SIGIRR: variants seen among roughly 807,000 people sequenced by gnomAD.
SIGIRR encodes the protein single Ig and TIR domain containing.
Under a neutral mutation model 45.6 loss-of-function variants are expected in SIGIRR, and 41 were observed. That is an observed-to-expected ratio of 0.90 (90% CI 0.70 to 1.17). SIGIRR has a LOEUF of 1.17. Ranked by LOEUF, SIGIRR falls within the 50% of genes most tolerant of loss-of-function variation. SIGIRR has a pLI of 0.00. For missense variants in SIGIRR, 599 were observed against 539.6 expected (o/e 1.11, Z -1.09); for synonymous variants, 298 against 239.0 (o/e 1.25, Z -2.28).
At chr11:416,802 G>A (rs1396163371), upstream of SIGIRR, among the ~76,000 whole-genome samples, 1 of 152,158 alleles carries the variant, frequency 6.6e-6, no homozygotes, top group Non-Finnish European at 1.5e-5. The surrounding 1 kb of genome is among the most constrained non-coding windows in gnomAD (Gnocchi z 9.1). Context: ...CTCCAAGTGA[G>A]GAGGGCGGAG....
At chr11:410,622 G>GGC (rs1476741917) in intron 1 of SIGIRR, among the ~76,000 whole-genome samples, 2 of 52,422 alleles carry the variant, frequency 3.8e-5, no homozygotes, top group African/African-American at 1.6e-4. Flanking sequence ...ATGCAGTCGG[G>GGC]GGGGGGGGGT....
chr11:406,688 G>A, intron 8 of SIGIRR, 150 bp from the exon 9 acceptor site: 3 of 1,403,724 alleles, frequency 2.1e-6, no homozygotes, highest in East Asian at 2.5e-5. Flanking sequence ...GCGGCTCCCC[G>A]CATCGGGGCC....
chr11:407,311 C>T (rs890680903), intron 6 of SIGIRR, 114 bp downstream of exon 6: 4 of 623,778 alleles, frequency 6.4e-6, no homozygotes, highest in Non-Finnish European at 9.1e-6. Flanking sequence ...CTCGGGTGGG[C>T]GGGGATGGGG....
upstream of SIGIRR, among the ~76,000 whole-genome samples, chr11:415,963 A>G (rs1243014970): frequency 2.6e-5 from 4 of 151,860 alleles, no homozygotes; most frequent in Non-Finnish European, 2.9e-5. The surrounding 1 kb of genome is among the most constrained non-coding windows in gnomAD (Gnocchi z 6.6). Flanking sequence ...GCACCCTCTC[A>G]GCAGCAGGCT....
chr11:409,471 C>G (rs1847493818), intron 2 of SIGIRR: 1 of 283,618 alleles, frequency 3.5e-6, no homozygotes, highest in Non-Finnish European at 6.7e-6. Flanking sequence ...GCCCTCCCCA[C>G]CACCTGAGGC....
At chr11:416,142 C>T (rs1847873925), upstream of SIGIRR, among the ~76,000 whole-genome samples, 1 of 152,156 alleles carries the variant, frequency 6.6e-6, no homozygotes, top group African/African-American at 2.4e-5. The surrounding 1 kb of genome is among the most constrained non-coding windows in gnomAD (Gnocchi z 9.1). Context: ...TTGGAAGCCC[C>T]TCAAGAAGGT....
rs776530919 is a variant in SIGIRR at position 406,802 on chromosome 11, A to C, written c.879+41T>G. 4.2e-5 allele frequency: 62 copies of C among 1,473,256 alleles called. No homozygotes were observed. In the Admixed American group the frequency reaches 1.4e-3, roughly 34 times the overall value. 91.3% of individuals were successfully genotyped at this position (1,473,256 alleles called of 1,614,324 possible). A position where few individuals can be genotyped will look rare whatever the true frequency, so the allele number is the denominator to read the frequency against. On this transcript the variant is annotated intron_variant, in intron 8 of 9. Transcript: ENST00000431843. ...GGAGCCCGGGCACCGCCCATCTCTA[A>C]CCCGCCGCTAGCCCCGGACCCTCCC...
Position 406,899 on chromosome 11 carries a change from G to C in SIGIRR, c.823C>G (p.Leu275Val). ...ACCAGGTGGCGGTGCTGGCGCAGCAGGCGGAGCGCCGGGTGCGCGGGGTCG... is the reference window on the plus strand; with the variant it reads ...ACCAGGTGGCGGTGCTGGCGCAGCACGCGGAGCGCCGGGTGCGCGGGGTCG... ...RRDPAHPALR[L>V]LRQHRHLVTL... is the part of the protein sequence containing the mutation. The change falls in exon 8 of 10, where the codon CTG (leucine) becomes GTG (valine). Residue 275 changes from leucine to valine, a missense_variant. Transcript: ENST00000431843. 1 of 1,589,206 alleles carries C rather than the reference G, an allele frequency of 6.3e-7. No individual in the cohort carries two copies. Among genetic ancestry groups the C allele is most frequent in the Non-Finnish European group, 8.5e-7 (1 of 1,173,274 alleles).
At chr11:407,707 CA>C (rs1364534844) in intron 5 of SIGIRR, 109 bp downstream of exon 5, 24 of 1,566,982 alleles carry the variant, frequency 1.5e-5, no homozygotes, top group African/African-American at 1.4e-5. Context: ...CCGCACAGAG[CA>C]CCCGGGGGCT....
rs1257335168 is a variant in SIGIRR at position 409,021 on chromosome 11, G to A, written c.8-128C>T. The stretch of plus-strand genomic sequence containing the variant: ...TGGCAGTCACACCATGTCTGTCCAC[G>A]AGTCCCATGGGGACAGGCTTAGCAC... On this transcript the variant is annotated intron_variant, in intron 2 of 9. Coordinates refer to ENST00000431843, the MANE Select transcript of SIGIRR (RefSeq NM_001135054.2). The A allele has an allele frequency of 1.1e-5, 9 of 816,632 alleles. No homozygotes were observed. The Admixed American group carries it at 1.2e-4, about 11-fold the overall frequency. The allele number at this position is 816,632 out of a possible 1,614,324, so 50.6% of individuals were successfully genotyped here.
At chr11:406,203 T>A (rs1479856757) in intron 9 of SIGIRR, 144 bp from the exon 10 acceptor site, 2 of 1,538,538 alleles carry the variant, frequency 1.3e-6, no homozygotes, top group African/African-American at 1.4e-5. Context: ...GCCGAGCACC[T>A]CCAGGGCAGA....
chr11:406,489 T>A lies in SIGIRR; in HGVS notation c.929A>T (p.Lys310Met), dbSNP rs756401134. 1.9e-6 allele frequency: 3 copies of A among 1,611,552 alleles called. No homozygotes were observed. In the South Asian group the frequency reaches 3.3e-5, roughly 18 times the overall value. ...WKEVQLALPR[K>M]VQYRPVEGDP... is the part of the protein sequence containing the mutation. ...TCCTTCCACAGGCCTGTACTGCACCTTCCGCGGCAGCGCCAGCTGCACTTC... is the reference window on the plus strand; with the variant it reads ...TCCTTCCACAGGCCTGTACTGCACCATCCGCGGCAGCGCCAGCTGCACTTC... Residue 310 changes from lysine (K) to methionine (M), a missense_variant, in exon 9 of 10, where the codon AAG (lysine) becomes ATG (methionine). By Grantham distance (95) the Lys-to-Met change is moderately conservative (BLOSUM62 -1). Transcript: ENST00000431843.
intron 2 of SIGIRR, 122 bp from the exon 3 acceptor site, chr11:409,015 G>T (rs1385765259): frequency 7.1e-6 from 6 of 847,836 alleles, no homozygotes; most frequent in South Asian, 2.9e-5. Flanking sequence ...CACCATGTCT[G>T]TCCACGAGTC....
At chr11:412,452 G>T (rs1342491536) in intron 1 of SIGIRR, among the ~76,000 whole-genome samples, 1 of 46,004 alleles carries the variant, frequency 2.2e-5, no homozygotes, top group East Asian at 6.8e-4. Flanking sequence ...GGGCGGGGGG[G>T]GGTGCTCAGC....
chr11:406,311 A>G (rs1363582091), intron 9 of SIGIRR, 38 bp downstream of exon 9: 1 of 1,604,962 alleles, frequency 6.2e-7, no homozygotes, highest in South Asian at 1.1e-5. Context: ...CCCTGTGCTG[A>G]GCTTCTCCAG....
intron 1 of SIGIRR, among the ~76,000 whole-genome samples, chr11:410,540 T>G (rs1267936191): frequency 1.3e-3 from 91 of 72,014 alleles, no homozygotes; most frequent in Middle Eastern, 9.4e-3. Context: ...GCAGTTGGGG[T>G]GGGGGTGCCC....
rs771654875 is a variant in SIGIRR at position 405,803 on chromosome 11, C to T, written c.*93G>A. The T allele has an allele frequency of 1.2e-3, 1,774 of 1,461,244 alleles. 1 individual carries two copies. Among genetic ancestry groups the T allele is most frequent in the Non-Finnish European group, 1.5e-3 (1,617 of 1,089,260 alleles). The allele number at this position is 1,461,244 out of a possible 1,614,324, so 90.5% of individuals were successfully genotyped here. ...CAGGGCTGCTGGCAGGGTCCCAGGG[C>T]TGCTGGCAGGGGTTGTGGTCCTGTT... On this transcript the variant is annotated 3_prime_UTR_variant, in exon 10 of 10. Transcript: ENST00000431843.
chr11:406,120 G>A (rs1287669301), intron 9 of SIGIRR, 61 bp from the exon 10 acceptor site: 2 of 1,540,656 alleles, frequency 1.3e-6, no homozygotes, highest in Admixed American at 2.0e-5. Context: ...CAGACCCACT[G>A]CCAGGGGCTG....
At position 407,928 on chromosome 11, in the gene SIGIRR, C is replaced by T. The variant is rs754657662; in HGVS notation, c.370G>A (p.Ala124Thr). ...AGGGCCAGCAGGACCAGGAGGGAGG[C>T]CAGCACCGCAGCCACGTGGCTTGTA... ...GPTSHVAAVL[A>T]SLLVLLALLL... The change falls in exon 5 of 10, where the codon GCC becomes ACC. Residue 124 changes from alanine (A) to threonine (T), a missense_variant. Coordinates refer to ENST00000431843, the MANE Select transcript of SIGIRR (RefSeq NM_001135054.2). 7.4e-6 allele frequency: 12 copies of T among 1,611,080 alleles called. No homozygotes were observed. In the Admixed American group the frequency reaches 2.0e-4, roughly 27 times the overall value.
Sources: gnomAD v4.1 joint callset for allele counts (sites outside exome capture counted in the v4.1 genomes callset) on GRCh38, gnomAD v4.1.1 for gene constraint, Gnocchi (gnomAD v3.1) non-coding constraint, MANE v1.5 for transcripts, NCBI Gene and HGNC (gene_info 2026-07-23, HGNC 2026-07-21) for gene names.